ATP9B: variants seen among roughly 807,000 people sequenced by gnomAD.
ATP9B encodes the protein ATPase phospholipid transporting 9B.
A neutral mutation model predicts 146.1 loss-of-function variants in ATP9B; 110 were observed. The observed-to-expected ratio is 0.75, with a 90% CI of 0.65 to 0.88. The LOEUF (loss-of-function observed/expected upper bound fraction) is 0.88. Among genes scored for constraint, ATP9B ranks in the 40% least tolerant of loss-of-function variants. The pLI is 0.00. For synonymous variants in ATP9B, 604 were observed against 569.7 expected (o/e 1.06, Z -0.86); for missense variants, 1,499 against 1,496.4 (o/e 1.00, Z -0.03).
chr18:79,184,962 A>G (rs2095291390), intron 8 of ATP9B, among the ~76,000 whole-genome samples: 1 of 144,142 alleles, frequency 6.9e-6, no homozygotes, highest in Admixed American at 6.8e-5. Flanking sequence ...TCAAAACACT[A>G]TATTAGAAAA....
At chr18:79,125,297 AG>A (rs2094264199) in intron 4 of ATP9B, among the ~76,000 whole-genome samples, 1 of 152,106 alleles carries the variant, frequency 6.6e-6, no homozygotes, top group Admixed American at 6.6e-5. Context: ...AAGGAGTGAG[AG>A]ACACAGGCTG....
intron 11 of ATP9B, among the ~76,000 whole-genome samples, chr18:79,217,061 G>T (rs1003229310): frequency 2.0e-5 from 3 of 152,230 alleles, no homozygotes; most frequent in Non-Finnish European, 2.9e-5. Context: ...GTGCGTTCCC[G>T]ACTGTAGAGC....
At chr18:79,213,227 A>T (rs530482457) in intron 10 of ATP9B, among the ~76,000 whole-genome samples, 7 of 152,140 alleles carry the variant, frequency 4.6e-5, no homozygotes, top group Non-Finnish European at 8.8e-5. Context: ...TAAGGATGAA[A>T]ATTAGGAATA....
intron 1 of ATP9B, among the ~76,000 whole-genome samples, chr18:79,075,895 T>C (rs2072553051): frequency 6.6e-6 from 1 of 152,260 alleles, no homozygotes; most frequent in African/African-American, 2.4e-5. Flanking sequence ...GAATTCCAGT[T>C]TGATTTATCT....
chr18:79,202,978 A>G (rs994442667), intron 9 of ATP9B, among the ~76,000 whole-genome samples: 1 of 152,234 alleles, frequency 6.6e-6, no homozygotes, highest in African/African-American at 2.4e-5. Flanking sequence ...GAGAAAATAT[A>G]GTACTAAAAG....
chr18:79,314,720 A>C (rs762831374), intron 15 of ATP9B, among the ~76,000 whole-genome samples: 1 of 152,260 alleles, frequency 6.6e-6, no homozygotes, highest in Non-Finnish European at 1.5e-5. Context: ...CCGCAGGCTC[A>C]GCATAGCAGG....
intron 8 of ATP9B, among the ~76,000 whole-genome samples, chr18:79,184,348 A>G (rs1404659257): frequency 6.6e-6 from 1 of 152,106 alleles, no homozygotes; most frequent in East Asian, 1.9e-4. Flanking sequence ...AAGGTTAAGT[A>G]GGTTTTTTTG....
chr18:79,307,381 C>CA, intron 15 of ATP9B, 147 bp downstream of exon 15: 1 of 1,184,814 alleles, frequency 8.4e-7, no homozygotes, highest in Non-Finnish European at 1.2e-6. Context: ...GAAAACTGCC[C>CA]AACCTATTCC....
intron 5 of ATP9B, among the ~76,000 whole-genome samples, chr18:79,128,003 C>T (rs533163653): frequency 1.5e-4 from 22 of 149,186 alleles, no homozygotes; most frequent in African/African-American, 5.2e-4. Context: ...TGCTTATTAG[C>T]TGTTTGTATA....
intron 26 of ATP9B, among the ~76,000 whole-genome samples, chr18:79,365,401 G>T (rs1299784815): frequency 6.6e-6 from 1 of 152,230 alleles, no homozygotes; most frequent in Non-Finnish European, 1.5e-5. Context: ...TTCACTGCTA[G>T]GGTGAAGGGA....
chr18:79,225,702 G>A (rs1361406302), intron 11 of ATP9B, among the ~76,000 whole-genome samples: 4 of 134,122 alleles, frequency 3.0e-5, no homozygotes, highest in African/African-American at 1.3e-4. Flanking sequence ...TCCCGCAGTT[G>A]CAGGGCGGCC....
chr18:79,258,485 T>A (rs1241249093), intron 12 of ATP9B, among the ~76,000 whole-genome samples: 1 of 152,214 alleles, frequency 6.6e-6, no homozygotes, highest in African/African-American at 2.4e-5. Flanking sequence ...GTAATCCTGC[T>A]GTCTCCACTT....
At chr18:79,198,326 A>G (rs1470107944) in intron 9 of ATP9B, among the ~76,000 whole-genome samples, 1 of 152,202 alleles carries the variant, frequency 6.6e-6, no homozygotes, top group African/African-American at 2.4e-5. Flanking sequence ...AAAAATAGAT[A>G]CCGTACCAAC....
At chr18:79,100,117 C>G (rs1250149926) in intron 2 of ATP9B, among the ~76,000 whole-genome samples, 1 of 152,174 alleles carries the variant, frequency 6.6e-6, no homozygotes, top group Non-Finnish European at 1.5e-5. Context: ...CAGAGTGAGA[C>G]TCTGTCTCAA....
chr18:79,218,234 G>A (rs1475256159), intron 11 of ATP9B, among the ~76,000 whole-genome samples: 1 of 148,984 alleles, frequency 6.7e-6, no homozygotes, highest in East Asian at 2.0e-4. Context: ...TCCATGTCCG[G>A]CACAGGCTGG....
intron 10 of ATP9B, 89 bp downstream of exon 10, chr18:79,207,101 A>C: frequency 7.8e-7 from 1 of 1,276,050 alleles, no homozygotes; most frequent in Non-Finnish European, 1.1e-6. Context: ...GGTTTCTCAC[A>C]GTGCCCTGAA....
intron 7 of ATP9B, among the ~76,000 whole-genome samples, chr18:79,167,779 C>T (rs1274127408): frequency 6.6e-6 from 1 of 152,166 alleles, no homozygotes; most frequent in African/African-American, 2.4e-5. Flanking sequence ...GAACTGGCAG[C>T]CCGGCCCCGA....
At chr18:79,123,581 C>A (rs2147155661) in intron 4 of ATP9B, among the ~76,000 whole-genome samples, 1 of 151,252 alleles carries the variant, frequency 6.6e-6, no homozygotes, top group Admixed American at 6.6e-5. Context: ...ATCCTAAAAT[C>A]CATATGAAAA....
intron 15 of ATP9B, among the ~76,000 whole-genome samples, chr18:79,308,764 C>T: frequency 1.2e-5 from 1 of 84,628 alleles, no homozygotes; most frequent in African/African-American, 5.7e-5. Flanking sequence ...TGATCCCCAG[C>T]AGGTAGAAGG....
Sources: allele counts gnomAD v4.1 joint callset (sites outside exome capture counted in the v4.1 genomes callset), GRCh38; gene constraint gnomAD v4.1.1; transcripts MANE v1.5; gene names NCBI Gene and HGNC (gene_info 2026-07-23, HGNC 2026-07-21).